The following HELQ variants were observed in gnomAD, a reference collection of about 807,000 sequenced individuals.
HELQ encodes helicase POLQ-like.
Under a neutral mutation model 111.6 loss-of-function variants are expected in HELQ, and 77 were observed. The observed-to-expected ratio is 0.69, with a 90% CI of 0.57 to 0.83. The LOEUF is 0.83. Ranked by LOEUF, HELQ falls within the 40% of genes least tolerant of loss-of-function variation. The probability of loss-of-function intolerance (pLI) is 0.00; values close to 1 mark genes in which losing one functional copy is unlikely to be tolerated. For missense variants in HELQ, 1,200 were observed against 1,288.5 expected (o/e 0.93, Z 1.05); for synonymous variants, 438 against 454.7 (o/e 0.96, Z 0.47).
chr4:83,417,172 T>C (rs940543695), intron 16 of HELQ, among the ~76,000 whole-genome samples: 6 of 151,964 alleles, frequency 3.9e-5, no homozygotes, highest in African/African-American at 1.2e-4. Flanking sequence ...TCTAGTCCAG[T>C]ATCTTTCTTT....
At chr4:83,412,652 C>A (rs1168876949) in intron 17 of HELQ, among the ~76,000 whole-genome samples, 1 of 152,102 alleles carries the variant, frequency 6.6e-6, no homozygotes, top group East Asian at 1.9e-4. Context: ...ATAGCAAAAC[C>A]TTGTCTCTAT....
chr4:83,437,017 G>A lies in HELQ; in HGVS notation c.1889C>T (p.Pro630Leu). 1.2e-6 allele frequency: 2 copies of A among 1,614,026 alleles called. No individual in the cohort carries two copies. The highest frequency in any genetic ancestry group is 1.7e-6 in the Non-Finnish European group (2 of 1,179,966). ...LKNIGNGNLC[P>L]VLKRTIPFGV... Reference sequence around the variant, plus strand: ...AAATGGGATAGTGCGCTTTAAAACAGGACACAGGTTGCCATTGCCAATATT... The same window carrying A: ...AAATGGGATAGTGCGCTTTAAAACAAGACACAGGTTGCCATTGCCAATATT... The change falls in exon 9 of 18, where the codon CCT becomes CTT. Residue 630 changes from proline (P) to leucine (L), a missense_variant. Physicochemically the swap from Pro to Leu is moderately conservative, Grantham distance 98 (BLOSUM62 -3). Around this residue, in one of 3 missense-constraint regions of HELQ, gnomAD observed 585 missense variants for 665.3 expected, o/e 0.88. Coordinates refer to ENST00000295488, the MANE Select transcript of HELQ (RefSeq NM_133636.5).
intron 9 of HELQ, 65 bp downstream of exon 9, chr4:83,436,793 C>G (rs913875776): frequency 6.5e-7 from 1 of 1,536,638 alleles, no homozygotes; most frequent in Non-Finnish European, 8.8e-7. Context: ...CATAAAACAA[C>G]AAAACTCCTC....
At chr4:83,416,544 T>G (rs1397824477) in intron 17 of HELQ, among the ~76,000 whole-genome samples, 187 bp downstream of exon 17, 1 of 152,198 alleles carries the variant, frequency 6.6e-6, no homozygotes, top group African/African-American at 2.4e-5. Flanking sequence ...AGCAGGTCCT[T>G]TTTTTGTTTT....
chr4:83,452,966 C>T lies in HELQ; in HGVS notation c.1012+265G>A, dbSNP rs192856021. On this transcript the variant is annotated intron_variant, in intron 2 of 17. Coordinates refer to ENST00000295488, the MANE Select transcript of HELQ (RefSeq NM_133636.5). Reference sequence around the variant, plus strand: ...CTTGCTAACAACTTATTATCCCTTTCTTATAGATGAGGAATTAGAGGAATT... The same window carrying T: ...CTTGCTAACAACTTATTATCCCTTTTTTATAGATGAGGAATTAGAGGAATT... Among the ~76,000 whole-genome samples, 196 of 145,620 alleles carry T rather than the reference C, an allele frequency of 1.3e-3. 1 individual carries two copies. Among genetic ancestry groups the T allele is most frequent in the South Asian group, 0.011 (52 of 4,820 alleles).
chr4:83,453,819 C>CA lies in HELQ; in HGVS notation c.423_424insT (p.Asp142Ter). 6.2e-7 allele frequency: 1 copy of CA among 1,614,118 alleles called. No individual in the cohort carries two copies. The highest frequency in any genetic ancestry group is 1.3e-5 in the African/African-American group (1 of 75,046). ...GAGCAAAGATTTTCAGTGGCAAAGT[C>CA]TGTAGCATGTTTCTTATGTTCAGGG... On this transcript the variant is annotated frameshift_variant, in exon 2 of 18. Coordinates refer to ENST00000295488, the MANE Select transcript of HELQ (RefSeq NM_133636.5). LOFTEE classifies it high-confidence loss of function.
chr4:83,420,742 G>A (rs962546553), intron 15 of HELQ, among the ~76,000 whole-genome samples: 5 of 151,968 alleles, frequency 3.3e-5, no homozygotes, highest in African/African-American at 4.8e-5. Flanking sequence ...CTAAGATTGC[G>A]CCACTGTACT....
chr4:83,413,245 A>G (rs1296067413), intron 17 of HELQ, among the ~76,000 whole-genome samples: 1 of 152,072 alleles, frequency 6.6e-6, no homozygotes, highest in Non-Finnish European at 1.5e-5. Flanking sequence ...GGTTGAGGGA[A>G]CCCCAACTTG....
At chr4:83,452,469 A>G (rs4693089) in intron 2 of HELQ, among the ~76,000 whole-genome samples, 90,441 of 152,016 alleles carry the variant, frequency 0.59, 28,227 homozygotes, top group African/African-American at 0.78. Context: ...GGGGAGAGGT[A>G]GCTGCGGCTG....
intron 14 of HELQ, among the ~76,000 whole-genome samples, chr4:83,422,834 A>G (rs934494524): frequency 6.6e-6 from 1 of 152,192 alleles, no homozygotes; most frequent in Non-Finnish European, 1.5e-5. Flanking sequence ...TTGTGTACGT[A>G]TGTGATTATT....
At chr4:83,415,538 T>C (rs1739312537) in intron 17 of HELQ, among the ~76,000 whole-genome samples, 4 of 152,170 alleles carry the variant, frequency 2.6e-5, no homozygotes, top group African/African-American at 9.6e-5. Flanking sequence ...GACCAGATGC[T>C]GGGATGCTGA....
intron 9 of HELQ, among the ~76,000 whole-genome samples, chr4:83,434,704 T>C (rs923982904): frequency 3.3e-5 from 5 of 152,030 alleles, no homozygotes. Flanking sequence ...GCTCAAGCAA[T>C]CCTCCTACCT....
intron 6 of HELQ, among the ~76,000 whole-genome samples, chr4:83,442,311 A>T (rs1720807434): frequency 8.2e-6 from 1 of 122,094 alleles, no homozygotes; most frequent in Non-Finnish European, 1.6e-5. Flanking sequence ...TCTGTAGTCC[A>T]GGCTGGGGTG....
chr4:83,448,644 T>G, intron 3 of HELQ, 139 bp downstream of exon 3: 1 of 682,702 alleles, frequency 1.5e-6, no homozygotes, highest in Non-Finnish European at 2.3e-6. Context: ...CACTCCAACC[T>G]GGGTGACAGA....
rs768891763 is a variant in HELQ, at chr4:83,429,671, T to C, written c.2371A>G (p.Lys791Glu). 2.5e-6 allele frequency: 4 copies of C among 1,613,570 alleles called. No homozygotes were observed. The South Asian group carries it at 3.3e-5, about 13-fold the overall frequency. ...FFGVQQKVLL[K>E]EKSLWEITVE... ...GTTATTTCCCAGAGACTTTTTTCTT[T>C]CAATAAAACCTTTTGCTGAACACCA... is the stretch of plus-strand genomic sequence containing the variant. The change falls in exon 12 of 18, where the codon AAA becomes GAA. Residue 791 changes from lysine (K) to glutamate (E), a missense_variant. By Grantham distance (56) the Lys-to-Glu change is moderately conservative. This residue lies in a region of HELQ where 585 missense variants were observed against 665.3 expected (regional missense o/e 0.88). Coordinates refer to ENST00000295488, the MANE Select transcript of HELQ (RefSeq NM_133636.5).
At chr4:83,448,696 C>T (rs1721184309) in intron 3 of HELQ, 87 bp downstream of exon 3, 2 of 1,117,258 alleles carry the variant, frequency 1.8e-6, no homozygotes, top group African/African-American at 1.6e-5. Context: ...AGGTACTTCT[C>T]AACAATACAA....
At chr4:83,408,427 A>G (rs1468894448) in intron 17 of HELQ, among the ~76,000 whole-genome samples, 1 of 151,826 alleles carries the variant, frequency 6.6e-6, no homozygotes, top group East Asian at 1.9e-4. Flanking sequence ...TAATTTTTGT[A>G]TTTTTAGTAG....
chr4:83,410,645 G>A (rs78104833), intron 17 of HELQ, among the ~76,000 whole-genome samples: 4,709 of 152,200 alleles, frequency 0.031, 253 homozygotes, highest in African/African-American at 0.11. Flanking sequence ...AAAGATGATT[G>A]GAAATTCTTT....
chr4:83,424,538 GGT>G (rs1171616616), intron 14 of HELQ, among the ~76,000 whole-genome samples: 2 of 152,146 alleles, frequency 1.3e-5, no homozygotes, highest in African/African-American at 4.8e-5. Flanking sequence ...TAGGAGTACA[GGT>G]GTGTGCCACT....
Sources: allele counts gnomAD v4.1 joint callset (sites outside exome capture counted in the v4.1 genomes callset), GRCh38; gene constraint gnomAD v4.1.1; regional missense constraint gnomAD v4.1.1; transcripts MANE v1.5; gene names NCBI Gene and HGNC (gene_info 2026-07-23, HGNC 2026-07-21).